The following ALX4 variants were observed in gnomAD, a reference collection of about 807,000 sequenced individuals.
The protein encoded by ALX4 is homeobox protein aristaless-like 4.
ALX4 carries 22 observed loss-of-function variants against 40.6 expected under a neutral mutation model. The ratio of observed to expected loss-of-function variants is 0.54; its 90% CI spans 0.39 to 0.77. ALX4 has a LOEUF of 0.77. ALX4 is among the 30% of genes least tolerant of loss of function. The pLI is 0.00. For missense variants in ALX4, 556 were observed against 564.8 expected (o/e 0.98, Z 0.16); for synonymous variants, 266 against 240.5 (o/e 1.11, Z -0.98).
intron 1 of ALX4, among the ~76,000 whole-genome samples, chr11:44,296,389 A>T (rs80269684): frequency 0.016 from 2,420 of 152,310 alleles, 64 homozygotes; most frequent in African/African-American, 0.055. Flanking sequence ...CTGACACTGG[A>T]GTTATTGACG....
intron 2 of ALX4, among the ~76,000 whole-genome samples, chr11:44,274,992 C>T (rs936415313): frequency 6.6e-6 from 1 of 152,172 alleles, no homozygotes; most frequent in Non-Finnish European, 1.5e-5. Flanking sequence ...GATAGGCCTT[C>T]TAGAGCAGGG....
Position 44,309,458 on chromosome 11 carries a change from C to G in ALX4, c.466+139G>C, listed in dbSNP as rs1402367257. 5.5e-6 allele frequency: 8 copies of G among 1,457,528 alleles called. No individual in the cohort carries two copies. In the African/African-American group the frequency reaches 1.1e-4, roughly 21 times the overall value. 90.3% of individuals were successfully genotyped at this position (1,457,528 alleles called of 1,614,324 possible). A position where few individuals can be genotyped will look rare whatever the true frequency, so the allele number is the denominator to read the frequency against. ...GATCCCTTGGCTCCCTCGCAGCGATCGATCCCGTTTACCGACCAGAGTCAC... is the reference window on the plus strand; with the variant it reads ...GATCCCTTGGCTCCCTCGCAGCGATGGATCCCGTTTACCGACCAGAGTCAC... On this transcript the variant is annotated intron_variant, in intron 1 of 3. Coordinates refer to ENST00000652299, the MANE Select transcript of ALX4 (RefSeq NM_021926.4).
At chr11:44,271,962 T>C (rs1246249322) in intron 2 of ALX4, among the ~76,000 whole-genome samples, 1 of 152,214 alleles carries the variant, frequency 6.6e-6, no homozygotes, top group Non-Finnish European at 1.5e-5. Context: ...ACACAGCACC[T>C]ACAGGGCTGT....
intron 2 of ALX4, among the ~76,000 whole-genome samples, chr11:44,268,810 C>T (rs936293439): frequency 7.9e-5 from 12 of 152,202 alleles, no homozygotes; most frequent in African/African-American, 2.9e-4. Flanking sequence ...AGAGGGAGGC[C>T]TCTGCCAGCT....
At chr11:44,271,741 T>C (rs1180447615) in intron 2 of ALX4, among the ~76,000 whole-genome samples, 1 of 152,236 alleles carries the variant, frequency 6.6e-6, no homozygotes, top group Non-Finnish European at 1.5e-5. Context: ...GAGAACACTC[T>C]GTTTTAGTTG....
chr11:44,303,485 G>T (rs1167573542), intron 1 of ALX4, among the ~76,000 whole-genome samples: 1 of 152,116 alleles, frequency 6.6e-6, no homozygotes, highest in Non-Finnish European at 1.5e-5. Flanking sequence ...GCCGCGGAGC[G>T]CCACGGTGAC....
At position 44,309,799 on chromosome 11, in the gene ALX4, G is replaced by T; in HGVS notation, c.264C>A (p.Asn88Lys). The change falls in exon 1 of 4, where the codon AAC (asparagine) becomes AAA (lysine). Residue 88 changes from asparagine (N) to lysine (K), a missense_variant. Physicochemically the swap from Asn to Lys is moderately conservative, Grantham distance 94. Coordinates refer to ENST00000652299, the MANE Select transcript of ALX4 (RefSeq NM_021926.4). ...GGGTCGACGGCTGGGGCTGGAACTT[G>T]TTAAAGGAGCCCCGCGCCCCAGCTC... Reference protein sequence around the residue: ...ESGAGARGSFNKFQPQPSTPQ... With the variant: ...ESGAGARGSFKKFQPQPSTPQ... The T allele has an allele frequency of 6.4e-7, 1 of 1,551,180 alleles. No individual in the cohort carries two copies. Among genetic ancestry groups the T allele is most frequent in the Non-Finnish European group, 8.7e-7 (1 of 1,147,356 alleles).
chr11:44,270,666 C>T (rs928460721), intron 2 of ALX4, among the ~76,000 whole-genome samples: 3 of 152,160 alleles, frequency 2.0e-5, no homozygotes, highest in Non-Finnish European at 2.9e-5. Context: ...CGTTCCTGTG[C>T]CTCCCAGCTC....
In ALX4 at chr11:44,264,680, C is replaced by T. The variant is rs1484735721; in HGVS notation, c.*174G>A. On this transcript the variant is annotated 3_prime_UTR_variant, in exon 4 of 4. Coordinates refer to ENST00000652299, the MANE Select transcript of ALX4 (RefSeq NM_021926.4). ...GGAGGGGCCAGGGGCCTGCTGCCCC[C>T]TCCCTCCCAGCAGTCCACGGGGCCT... The T allele has an allele frequency of 2.8e-6, 2 of 710,214 alleles. No homozygotes were observed. Among genetic ancestry groups the T allele is most frequent in the Admixed American group, 2.9e-5 (1 of 34,244 alleles). 44.0% of individuals were successfully genotyped at this position (710,214 alleles called of 1,614,324 possible). A position where few individuals can be genotyped will look rare whatever the true frequency, so the allele number is the denominator to read the frequency against.
intron 1 of ALX4, among the ~76,000 whole-genome samples, chr11:44,303,136 G>T (rs1367605359): frequency 6.6e-6 from 1 of 152,144 alleles, no homozygotes; most frequent in Non-Finnish European, 1.5e-5. Flanking sequence ...TCTCTGTTGT[G>T]GCCTTCAGAG....
rs111669129 is a variant in ALX4, at chr11:44,268,982, A to G, written c.778-1360T>C. Among the ~76,000 whole-genome samples the G allele has an allele frequency of 4.6e-5, 7 of 152,350 alleles. 1 individual carries two copies. The highest frequency in any genetic ancestry group is 1.7e-4 in the African/African-American group (7 of 41,594). ...CCAGGCCCAGGCATCAAGAAAGCCA[A>G]CTTTCCTGAGGTCCAGTCCCTGCTC... On this transcript the variant is annotated intron_variant, in intron 2 of 3. Transcript: ENST00000652299.
chr11:44,282,948 A>T (rs1471546401), intron 1 of ALX4, among the ~76,000 whole-genome samples: 1 of 151,286 alleles, frequency 6.6e-6, no homozygotes, highest in Non-Finnish European at 1.5e-5. Flanking sequence ...AGTATATACC[A>T]AAAAGTTTTT....
At chr11:44,284,965 C>G (rs1956330136) in intron 1 of ALX4, among the ~76,000 whole-genome samples, 1 of 151,532 alleles carries the variant, frequency 6.6e-6, no homozygotes, top group Non-Finnish European at 1.5e-5. Flanking sequence ...ACTTTGTAAA[C>G]TTTTGTGTTT....
At chr11:44,305,884 G>T (rs547940354) in intron 1 of ALX4, among the ~76,000 whole-genome samples, 1 of 152,268 alleles carries the variant, frequency 6.6e-6, no homozygotes, top group Non-Finnish European at 1.5e-5. Flanking sequence ...GCTTCCCGCA[G>T]CGGCCCCGCG....
At chr11:44,288,921 C>A (rs1197354787) in intron 1 of ALX4, among the ~76,000 whole-genome samples, 3 of 152,244 alleles carry the variant, frequency 2.0e-5, no homozygotes, top group Non-Finnish European at 4.4e-5. Context: ...GGCCCCTCTG[C>A]CAAGGCCTGG....
rs539207995 is a variant in ALX4 at position 44,291,972 on chromosome 11, C to T, written c.467-16314G>A. Among the ~76,000 whole-genome samples, 21 of 152,284 alleles carry T rather than the reference C, an allele frequency of 1.4e-4. No homozygotes were observed. The East Asian group carries it at 2.5e-3, about 18-fold the overall frequency. On this transcript the variant is annotated intron_variant, in intron 1 of 3. Transcript: ENST00000652299. The stretch of plus-strand genomic sequence containing the variant: ...TAGCTGGGATTACCAGCACTGGTCA[C>T]TGCACCTGGCTAATTTTTGTACTTT...
chr11:44,309,475 CAG>C (rs1956492266), intron 1 of ALX4, 120 bp downstream of exon 1: 13 of 1,487,394 alleles, frequency 8.7e-6, no homozygotes, highest in South Asian at 5.2e-5. Flanking sequence ...GTTTACCGAC[CAG>C]AGTCACCACC....
At chr11:44,281,851 G>A (rs942519484) in intron 1 of ALX4, among the ~76,000 whole-genome samples, 6 of 152,120 alleles carry the variant, frequency 3.9e-5, no homozygotes, top group African/African-American at 1.2e-4. Flanking sequence ...ACACATGCAC[G>A]GGGCACAGCT....
At chr11:44,281,119 TC>T (rs1956307532) in intron 1 of ALX4, among the ~76,000 whole-genome samples, 1 of 151,974 alleles carries the variant, frequency 6.6e-6, no homozygotes, top group South Asian at 2.1e-4. Context: ...TTTCTTTCTT[TC>T]TTTTTTTTTT....
Sources: allele counts gnomAD v4.1 joint callset (sites outside exome capture counted in the v4.1 genomes callset), GRCh38; gene constraint gnomAD v4.1.1; transcripts MANE v1.5; gene names NCBI Gene and HGNC (gene_info 2026-07-23, HGNC 2026-07-21).